DNAH10: variants seen among roughly 807,000 people sequenced by gnomAD.
DNAH10 encodes axonemal beta dynein heavy chain 10.
DNAH10 carries 348 observed loss-of-function variants against 506.6 expected under a neutral mutation model. That is an observed-to-expected ratio of 0.69 (90% confidence interval 0.63 to 0.75). The LOEUF (loss-of-function observed/expected upper bound fraction) is 0.75, where lower values mean the gene tolerates loss of function less well. Ranked by LOEUF, DNAH10 falls within the 30% of genes least tolerant of loss-of-function variation. DNAH10 has a pLI of 0.00. For missense variants in DNAH10, 5,179 were observed against 5,787.1 expected (o/e 0.89, Z 3.41); for synonymous variants, 2,059 against 2,198.6 (o/e 0.94, Z 1.78).
At chr12:123,897,540 T>C (rs1328180670) in intron 54 of DNAH10, among the ~76,000 whole-genome samples, 1 of 151,762 alleles carries the variant, frequency 6.6e-6, no homozygotes, top group Non-Finnish European at 1.5e-5. Context: ...CTGGGCAACA[T>C]GGGTGAAACC....
chr12:123,881,767 G>A lies in DNAH10; in HGVS notation c.8777G>A (p.Gly2926Glu). The change falls in exon 51 of 79, where the codon GGG becomes GAG. Residue 2926 changes from glycine (G) to glutamate (E), a missense_variant. This residue lies in a region of DNAH10 where 4,844 missense variants were observed against 5,430.5 expected (regional missense o/e 0.89). Coordinates refer to ENST00000673944, the MANE Select transcript of DNAH10 (RefSeq NM_001372106.1). ...CTGCTGGTCGGGGTAGGGGGCTCAG[G>A]GAAGCAGTCTCTTTCGAGGCTGGCT... ...HALLVGVGGS[G>E]KQSLSRLAAF... is the part of the protein sequence containing the mutation. 2 of 1,532,342 alleles carry A rather than the reference G, an allele frequency of 1.3e-6. No individual in the cohort carries two copies. The highest frequency in any genetic ancestry group is 2.2e-5 in the Admixed American group (1 of 45,992). 94.9% of individuals were successfully genotyped at this position (1,532,342 alleles called of 1,614,324 possible).
chr12:123,774,356 T>A, intron 5 of DNAH10, 92 bp downstream of exon 5: 1 of 971,676 alleles, frequency 1.0e-6, no homozygotes, highest in Non-Finnish European at 1.5e-6. Context: ...GCAGCTCTTC[T>A]GTCTCAGGTG....
intron 49 of DNAH10, 74 bp downstream of exon 49, chr12:123,879,431 A>T: frequency 3.9e-6 from 6 of 1,522,518 alleles, no homozygotes; most frequent in Non-Finnish European, 5.3e-6. Flanking sequence ...TGTTTTTTAT[A>T]TTAGGACGCG....
At chr12:123,843,750 G>A (rs911646053) in intron 30 of DNAH10, among the ~76,000 whole-genome samples, 3 of 152,134 alleles carry the variant, frequency 2.0e-5, no homozygotes, top group Non-Finnish European at 4.4e-5. Flanking sequence ...GCTAACTTTT[G>A]TATTTTTAGT....
chr12:123,893,132 GC>G (rs1953062467), intron 52 of DNAH10, 100 bp from the exon 53 acceptor site: 1 of 1,268,982 alleles, frequency 7.9e-7, no homozygotes, highest in African/African-American at 1.5e-5. Flanking sequence ...TCTGGACTCA[GC>G]ACCTGCTGAT....
In DNAH10 at chr12:123,839,030, T is replaced by C. The variant is rs1424165355; in HGVS notation, c.5136+341T>C. Among the ~76,000 whole-genome samples the C allele has an allele frequency of 2.0e-5, 3 of 152,058 alleles. 1 individual carries two copies. In the East Asian group the frequency reaches 5.8e-4, roughly 29 times the overall value. On this transcript the variant is annotated intron_variant, in intron 29 of 78. Transcript: ENST00000673944. ...GGTCTCACTGTGTTACCTGGGCTGG[T>C]CTCTAACTCCTGAGCTCAAGCAATG...
chr12:123,793,856 T>C, intron 11 of DNAH10, 86 bp from the exon 12 acceptor site: 1 of 1,060,068 alleles, frequency 9.4e-7, no homozygotes. Context: ...CCCAAACCAC[T>C]GATTTTTTTT....
chr12:123,918,417 A>G (rs1044984110), intron 64 of DNAH10, among the ~76,000 whole-genome samples: 1 of 152,212 alleles, frequency 6.6e-6, no homozygotes, highest in African/African-American at 2.4e-5. Context: ...GGAACCCCAT[A>G]TGGGAAGAAA....
At chr12:123,865,041 G>A (rs971054055) in intron 40 of DNAH10, among the ~76,000 whole-genome samples, 1 of 152,168 alleles carries the variant, frequency 6.6e-6, no homozygotes, top group Non-Finnish European at 1.5e-5. Context: ...TGCTACAAAA[G>A]TGAGAATTCA....
intron 23 of DNAH10, among the ~76,000 whole-genome samples, chr12:123,820,221 G>A (rs1379259485): frequency 1.3e-5 from 2 of 152,154 alleles, no homozygotes; most frequent in African/African-American, 4.8e-5. Flanking sequence ...TGGGGGAGAA[G>A]CATAGAACTG....
At chr12:123,815,988 C>T (rs1251369075) in intron 21 of DNAH10, among the ~76,000 whole-genome samples, 1 of 152,140 alleles carries the variant, frequency 6.6e-6, no homozygotes, top group Admixed American at 6.5e-5. Context: ...CAATTTTTGG[C>T]CCAAAACATC....
At chr12:123,803,135 G>A (rs962985344) in intron 16 of DNAH10, among the ~76,000 whole-genome samples, 3 of 152,084 alleles carry the variant, frequency 2.0e-5, no homozygotes, top group Admixed American at 6.6e-5. Context: ...CTGTCAAGTC[G>A]AAGAATCATA....
intron 61 of DNAH10, 65 bp from the exon 62 acceptor site, chr12:123,914,787 C>A: frequency 6.4e-7 from 1 of 1,566,218 alleles, no homozygotes; most frequent in Non-Finnish European, 8.6e-7. Context: ...CCAGTCCTAC[C>A]ACCCTTAGCC....
At chr12:123,910,310 C>T (rs894522096) in intron 58 of DNAH10, among the ~76,000 whole-genome samples, 1 of 152,202 alleles carries the variant, frequency 6.6e-6, no homozygotes, top group African/African-American at 2.4e-5. Flanking sequence ...TGTGTGACAC[C>T]TGCGTCCTGG....
In DNAH10 at chr12:123,762,630, A is replaced by AT; in HGVS notation, c.214+80_214+81insT. On this transcript the variant is annotated intron_variant, in intron 1 of 78. Transcript: ENST00000673944. The surrounding 1 kb of genome is among the most constrained non-coding windows in gnomAD (Gnocchi z 5.0). ...CTCTCCGGCGGGCGCCGGGGCTGCT[A>AT]GAGCCTGCCCATCGTCCGGCCCCGG... 7.1e-7 allele frequency: 1 copy of AT among 1,417,610 alleles called. No individual in the cohort carries two copies. The highest frequency in any genetic ancestry group is 9.4e-7 in the Non-Finnish European group (1 of 1,060,524). 87.8% of individuals were successfully genotyped at this position (1,417,610 alleles called of 1,614,324 possible).
Position 123,835,510 on chromosome 12 carries a change from C to T in DNAH10, c.4884C>T (p.Ile1628=), listed in dbSNP as rs758121229. ...AAGAGGCAAAAAAGTTTGACAACAT[C>T]GATAAAGTATTTAAAAGGGCAAGTG... The part of the protein sequence containing the change: ...LPEEAKKFDN[I]DKVFKRIMGE... The change falls in exon 28 of 79, where the codon ATC becomes ATT. Residue 1628 remains isoleucine (I), a synonymous_variant. Transcript: ENST00000673944. The T allele has an allele frequency of 1.1e-5, 18 of 1,607,716 alleles. No homozygotes were observed. The East Asian group carries it at 2.0e-4, about 18-fold the overall frequency.
intron 7 of DNAH10, among the ~76,000 whole-genome samples, chr12:123,783,534 G>A (rs1047931605): frequency 7.9e-5 from 12 of 152,184 alleles, no homozygotes; most frequent in Admixed American, 6.5e-4. Context: ...AACTCAAGTC[G>A]ATCAACTAAG....
At chr12:123,929,945 G>A in intron 72 of DNAH10, 186 bp downstream of exon 72, 1 of 623,750 alleles carries the variant, frequency 1.6e-6, no homozygotes, top group South Asian at 2.0e-5. Flanking sequence ...CTGTTCACAT[G>A]GAGGTTCCCT....
chr12:123,859,146 G>A lies in DNAH10; in HGVS notation c.6631-4G>A, dbSNP rs2136837178. On this transcript the variant is annotated splice_polypyrimidine_tract_variant and splice_region_variant and intron_variant, in intron 37 of 78. Transcript: ENST00000673944. ...TAGCCCAGCTGCCATTGTTTGTCCC[G>A]CAGGTGGATAAAGTGGTTCAAATGT... The A allele has an allele frequency of 6.2e-6, 10 of 1,605,042 alleles. No individual in the cohort carries two copies. The highest frequency in any genetic ancestry group is 2.2e-5 in the East Asian group (1 of 44,626).
Sources: gnomAD v4.1 joint callset for allele counts (sites outside exome capture counted in the v4.1 genomes callset) on GRCh38, gnomAD v4.1.1 for gene constraint, gnomAD v4.1.1 regional missense constraint, Gnocchi (gnomAD v3.1) non-coding constraint, MANE v1.5 for transcripts, NCBI Gene and HGNC (gene_info 2026-07-23, HGNC 2026-07-21) for gene names.